ELP3: variants seen among roughly 807,000 people sequenced by gnomAD.
ELP3 encodes the protein elongator acetyltransferase complex subunit 3.
ELP3 carries 56 observed loss-of-function variants against 74.9 expected under a neutral mutation model. That is an observed-to-expected ratio of 0.75 (90% confidence interval 0.60 to 0.93). The LOEUF (loss-of-function observed/expected upper bound fraction) is 0.93, where lower values mean the gene tolerates loss of function less well. ELP3 is among the 40% of genes least tolerant of loss of function. ELP3 has a pLI of 0.00. For synonymous variants in ELP3, 222 were observed against 239.8 expected (o/e 0.93, Z 0.68); for missense variants, 573 against 686.5 (o/e 0.83, Z 1.85).
In ELP3 at chr8:28,108,024, A is replaced by G. The variant is rs571084235; in HGVS notation, c.393+48A>G. Reference sequence around the variant, plus strand: ...CTGATGAAATGTTGCATCATGCTTTACCTGTAGTATGGTTTTACCAGTACT... The same window carrying G: ...CTGATGAAATGTTGCATCATGCTTTGCCTGTAGTATGGTTTTACCAGTACT... On this transcript the variant is annotated intron_variant, in intron 5 of 14. Transcript: ENST00000256398. The G allele has an allele frequency of 2.7e-6, 4 of 1,507,084 alleles. No homozygotes were observed. The African/African-American group carries it at 5.5e-5, about 21-fold the overall frequency. The allele number at this position is 1,507,084 out of a possible 1,614,324, so 93.4% of individuals were successfully genotyped here. A position where few individuals can be genotyped will look rare whatever the true frequency, so the allele number is the denominator to read the frequency against.
Position 28,160,237 on chromosome 8 carries a change from G to A in ELP3, c.1266G>A (p.Leu422=). 4 of 1,613,834 alleles carry A rather than the reference G, an allele frequency of 2.5e-6. No homozygotes were observed. The highest frequency in any genetic ancestry group is 3.4e-6 in the Non-Finnish European group (4 of 1,179,828). The part of the protein sequence containing the change: ...HHKVRPYQVE[L]VRRDYVANGG... ...GGCTTTTTACTAAATAGGTTGAATT[G>A]GTAAGGAGAGATTATGTTGCAAATG... The change falls in exon 13 of 15, where the codon TTG becomes TTA. Residue 422 remains leucine, a synonymous_variant. Transcript: ENST00000256398.
chr8:28,146,599 C>G (rs964264401), intron 10 of ELP3, among the ~76,000 whole-genome samples: 3 of 152,166 alleles, frequency 2.0e-5, no homozygotes, highest in African/African-American at 7.2e-5. Context: ...GCAGCAAGCT[C>G]AGATAGTCAG....
In ELP3 at chr8:28,097,961, C is replaced by T. The variant is rs552487645; in HGVS notation, c.119+643C>T. Reference sequence around the variant, plus strand: ...AGCTGGGATTTGGAATTAGGTCAGCCGTCTCCAGAGCCCATGTTCTTCTGT... The same window carrying T: ...AGCTGGGATTTGGAATTAGGTCAGCTGTCTCCAGAGCCCATGTTCTTCTGT... On this transcript the variant is annotated intron_variant, in intron 2 of 14. Coordinates refer to ENST00000256398, the MANE Select transcript of ELP3 (RefSeq NM_018091.6). Among the ~76,000 whole-genome samples the T allele has an allele frequency of 5.9e-5, 9 of 152,234 alleles. No individual in the cohort carries two copies. The South Asian group carries it at 6.2e-4, about 11-fold the overall frequency.
chr8:28,129,377 T>C (rs997138805), intron 7 of ELP3, 125 bp from the exon 8 acceptor site: 1 of 943,154 alleles, frequency 1.1e-6, no homozygotes, highest in African/African-American at 1.7e-5. Flanking sequence ...TCAGGCAGCC[T>C]GGCTCCAGAG....
At chr8:28,125,759 C>CT (rs755484214) in intron 7 of ELP3, among the ~76,000 whole-genome samples, 2,891 of 92,182 alleles carry the variant, frequency 0.031, 99 homozygotes, top group Non-Finnish European at 0.042. Context: ...AGTCATTTCT[C>CT]TTTTTTTTTT....
In ELP3 at chr8:28,158,622, C is replaced by A; in HGVS notation, c.1246C>A (p.Arg416=). 1 of 1,534,632 alleles carries A rather than the reference C, an allele frequency of 6.5e-7. No individual in the cohort carries two copies. Among genetic ancestry groups the A allele is most frequent in the Non-Finnish European group, 8.8e-7 (1 of 1,130,972 alleles). The stretch of plus-strand genomic sequence containing the variant: ...AATCCAAGAAATTCATCACAAAGTA[C>A]GGCCATACCAGGTTAGTCTCTTCAT... ...VGIQEIHHKV[R]PYQVELVRRD... Residue 416 remains arginine (R), a synonymous_variant, in exon 12 of 15, where the codon CGG becomes AGG. Coordinates refer to ENST00000256398, the MANE Select transcript of ELP3 (RefSeq NM_018091.6).
At chr8:28,182,677 T>TA (rs1815065508) in intron 14 of ELP3, among the ~76,000 whole-genome samples, 1 of 152,188 alleles carries the variant, frequency 6.6e-6, no homozygotes, top group Non-Finnish European at 1.5e-5. Flanking sequence ...TAAAGAGCAT[T>TA]GAGCAGCCCA....
intron 10 of ELP3, among the ~76,000 whole-genome samples, chr8:28,148,510 A>C (rs1270529305): frequency 6.6e-6 from 1 of 152,216 alleles, no homozygotes; most frequent in Non-Finnish European, 1.5e-5. Context: ...AACACTAGAC[A>C]CATCCAGTGA....
intron 14 of ELP3, among the ~76,000 whole-genome samples, chr8:28,178,003 A>C (rs1421697241): frequency 6.6e-6 from 1 of 152,204 alleles, no homozygotes; most frequent in South Asian, 2.1e-4. Flanking sequence ...TTCATTCCCC[A>C]TTTAAGCAGT....
At chr8:28,097,416 T>G (rs1415635157) in intron 2 of ELP3, 98 bp downstream of exon 2, 1 of 779,028 alleles carries the variant, frequency 1.3e-6, no homozygotes, top group Non-Finnish European at 2.1e-6. Flanking sequence ...AAGTTTTATT[T>G]TAGTTGAGAA....
Position 28,189,851 on chromosome 8 carries a change from G to A in ELP3, c.*126G>A, listed in dbSNP as rs868350134. On this transcript the variant is annotated 3_prime_UTR_variant, in exon 15 of 15. Transcript: ENST00000256398. ...GGGGCTTCACCCTCATCCCGCAGCTGCAGAGACTGGAAACTGCCTTCAAGG... is the reference window on the plus strand; with the variant it reads ...GGGGCTTCACCCTCATCCCGCAGCTACAGAGACTGGAAACTGCCTTCAAGG... 4 of 1,027,286 alleles carry A rather than the reference G, an allele frequency of 3.9e-6. No individual in the cohort carries two copies. Among genetic ancestry groups the A allele is most frequent in the African/African-American group, 3.2e-5 (2 of 62,862 alleles). 63.6% of individuals were successfully genotyped at this position (1,027,286 alleles called of 1,614,324 possible).
intron 9 of ELP3, among the ~76,000 whole-genome samples, chr8:28,135,428 TC>T (rs1045508141): frequency 4.6e-5 from 7 of 152,166 alleles, no homozygotes; most frequent in African/African-American, 1.7e-4. Context: ...CTCTCCAACT[TC>T]CTGCTTTGGG....
intron 9 of ELP3, among the ~76,000 whole-genome samples, chr8:28,133,428 C>CTT (rs34048650): frequency 0.042 from 5,723 of 135,486 alleles, 442 homozygotes; most frequent in African/African-American, 0.15. Context: ...CTTTTTTTTC[C>CTT]TTTTTTTTTT....
intron 14 of ELP3, among the ~76,000 whole-genome samples, chr8:28,179,826 T>C (rs969094354): frequency 2.0e-5 from 3 of 152,112 alleles, no homozygotes; most frequent in African/African-American, 7.2e-5. Flanking sequence ...CAGGCAGTAA[T>C]GTGAGCAATG....
At chr8:28,187,404 C>G (rs1585769185) in intron 14 of ELP3, among the ~76,000 whole-genome samples, 1 of 152,202 alleles carries the variant, frequency 6.6e-6, no homozygotes, top group Non-Finnish European at 1.5e-5. Flanking sequence ...AACAAAATCC[C>G]TGCCCTCCTG....
At chr8:28,187,716 G>T (rs1477196146) in intron 14 of ELP3, among the ~76,000 whole-genome samples, 2 of 152,226 alleles carry the variant, frequency 1.3e-5, no homozygotes, top group Non-Finnish European at 2.9e-5. Context: ...TGAACAACTG[G>T]CAGTGGAGTG....
chr8:28,110,375 C>A lies in ELP3; in HGVS notation c.399C>A (p.Thr133=). The A allele has an allele frequency of 6.2e-7, 1 of 1,613,348 alleles. No individual in the cohort carries two copies. Among genetic ancestry groups the A allele is most frequent in the South Asian group, 1.1e-5 (1 of 90,910 alleles). ...STQSYTGYEP[T]SMRAIRARYD... ...ACAATATTTTTCTCTTCTAGCCAAC[C>A]TCCATGAGAGCTATCCGTGCCAGAT... is the stretch of plus-strand genomic sequence containing the variant. The change falls in exon 6 of 15, where the codon ACC becomes ACA. Residue 133 remains threonine, a synonymous_variant. Coordinates refer to ENST00000256398, the MANE Select transcript of ELP3 (RefSeq NM_018091.6).
chr8:28,157,260 A>G (rs546710316), intron 11 of ELP3, among the ~76,000 whole-genome samples: 1 of 134,316 alleles, frequency 7.4e-6, no homozygotes, highest in African/African-American at 2.8e-5. Flanking sequence ...ATAAGCACAC[A>G]CCAATCTCTG....
chr8:28,129,424 A>G lies in ELP3; in HGVS notation c.618-78A>G. The G allele has an allele frequency of 2.0e-6, 3 of 1,476,704 alleles. No homozygotes were observed. In the South Asian group the frequency reaches 3.6e-5, roughly 18 times the overall value. 91.5% of individuals were successfully genotyped at this position (1,476,704 alleles called of 1,614,324 possible). On this transcript the variant is annotated intron_variant, in intron 7 of 14. Transcript: ENST00000256398. ...TACCACTATCTCATACTAGGAGGACAGAGAGAAGGCAGTTTTTTGAGACAG... is the reference window on the plus strand; with the variant it reads ...TACCACTATCTCATACTAGGAGGACGGAGAGAAGGCAGTTTTTTGAGACAG...
Sources: allele counts gnomAD v4.1 joint callset (sites outside exome capture counted in the v4.1 genomes callset), GRCh38; gene constraint gnomAD v4.1.1; transcripts MANE v1.5; gene names NCBI Gene and HGNC (gene_info 2026-07-23, HGNC 2026-07-21).